The following CHSY3 variants were observed in gnomAD, a reference collection of about 807,000 sequenced individuals.
CHSY3 encodes chondroitin sulfate synthase 3.
In CHSY3, 35 loss-of-function variants were observed where a neutral mutation model predicts 67.2. That is an observed-to-expected ratio of 0.52 (90% confidence interval 0.40 to 0.69). CHSY3 has a LOEUF of 0.69. Among genes scored for constraint, CHSY3 ranks in the 30% least tolerant of loss-of-function variants. The pLI is 0.00. For missense variants in CHSY3, 1,069 were observed against 1,138.5 expected, an observed-to-expected ratio of 0.94 and a Z score of 0.88; for synonymous variants, 474 against 434.7, an observed-to-expected ratio of 1.09 and a Z score of -1.12.
intron 2 of CHSY3, among the ~76,000 whole-genome samples, chr5:130,041,922 T>C (rs1765015849): frequency 6.6e-6 from 1 of 152,094 alleles, no homozygotes; most frequent in South Asian, 2.1e-4. Context: ...AAAAGCTTTC[T>C]ACATAATTTT....
chr5:129,923,896 G>T (rs1395813308), intron 2 of CHSY3, among the ~76,000 whole-genome samples: 1 of 151,948 alleles, frequency 6.6e-6, no homozygotes, highest in Non-Finnish European at 1.5e-5. Flanking sequence ...GGCAGGCAGG[G>T]GTACAAATCC....
chr5:130,121,412 A>C (rs1768019157), intron 2 of CHSY3, among the ~76,000 whole-genome samples: 1 of 152,164 alleles, frequency 6.6e-6, no homozygotes, highest in Non-Finnish European at 1.5e-5. Flanking sequence ...TAAAATGTTG[A>C]AGAGTTGTGA....
chr5:130,043,660 G>T (rs1580677936), intron 2 of CHSY3, among the ~76,000 whole-genome samples: 1 of 152,216 alleles, frequency 6.6e-6, no homozygotes, highest in East Asian at 1.9e-4. Flanking sequence ...TTCTAGTATG[G>T]AACTAAGTCA....
At chr5:130,056,924 T>C (rs1190651855) in intron 2 of CHSY3, among the ~76,000 whole-genome samples, 27 of 132,440 alleles carry the variant, frequency 2.0e-4, no homozygotes, top group African/African-American at 5.5e-4. Flanking sequence ...CTTTCTTTTT[T>C]TTTTTTTTTT....
intron 2 of CHSY3, among the ~76,000 whole-genome samples, chr5:130,160,266 A>G (rs1769491645): frequency 1.3e-5 from 2 of 152,202 alleles, no homozygotes; most frequent in African/African-American, 4.8e-5. Flanking sequence ...GACTCCCAAT[A>G]CTTGCCTTAC....
chr5:130,102,607 A>G (rs1451169435), intron 2 of CHSY3, among the ~76,000 whole-genome samples: 1 of 152,052 alleles, frequency 6.6e-6, no homozygotes, highest in Non-Finnish European at 1.5e-5. Context: ...TAGTCACATT[A>G]CCTCTATGTA....
At position 130,050,844 on chromosome 5, in the gene CHSY3, A is replaced by G. The variant is rs184516160; in HGVS notation, c.1087-133385A>G. On this transcript the variant is annotated intron_variant, in intron 2 of 2. Coordinates refer to ENST00000305031, the MANE Select transcript of CHSY3 (RefSeq NM_175856.5). ...CAGAATTGTTACCACATTCAGCTAC[A>G]CATGAAACACGTTTATTTGTCTTTT... is the stretch of plus-strand genomic sequence containing the variant. Among the ~76,000 whole-genome samples the G allele has an allele frequency of 3.2e-3, 488 of 152,244 alleles. 5 individuals are homozygous for G. The highest frequency in any genetic ancestry group is 0.01 in the African/African-American group (431 of 41,564).
intron 2 of CHSY3, among the ~76,000 whole-genome samples, chr5:129,954,596 G>A (rs1762116473): frequency 6.6e-6 from 1 of 151,866 alleles, no homozygotes; most frequent in South Asian, 2.1e-4. Context: ...TCACAATATT[G>A]ATTCTTCCTA....
intron 2 of CHSY3, among the ~76,000 whole-genome samples, chr5:129,935,009 T>C (rs1262390557): frequency 6.6e-6 from 1 of 152,182 alleles, no homozygotes; most frequent in African/African-American, 2.4e-5. Context: ...GACAAACTAC[T>C]TAAAAGAGCT....
chr5:129,908,085 TTAG>T lies in CHSY3; in HGVS notation c.812_814del (p.Leu271_Glu272delinsTer). On this transcript the variant is annotated stop_gained and inframe_deletion, in exon 2 of 3. Coordinates refer to ENST00000305031, the MANE Select transcript of CHSY3 (RefSeq NM_175856.5). LOFTEE classifies it high-confidence loss of function. ...TGCCTTTCTTTTTGTAGGTGATAAA[TTAG>T]AAGAGTTTCTTAGATCGCTAAACAG... 6.2e-7 allele frequency: 1 copy of T among 1,611,118 alleles called. No homozygotes were observed. Among genetic ancestry groups the T allele is most frequent in the Non-Finnish European group, 8.5e-7 (1 of 1,178,816 alleles).
rs1340390010 is a variant in CHSY3, at chr5:129,905,332, G to T, written c.503G>T (p.Arg168Leu). ...GDGGAAAPSA[R>L]PRDFLYVGVM... ...GGGGGCGCTGCCGCCCCGAGCGCCC[G>T]ACCCCGGGACTTCCTGTACGTGGGG... is the stretch of plus-strand genomic sequence containing the variant. Residue 168 changes from arginine (R) to leucine (L), a missense_variant, in exon 1 of 3, where the codon CGA becomes CTA. Arg to Leu is a moderately radical substitution (Grantham distance 102). Transcript: ENST00000305031. 1 of 1,537,070 alleles carries T rather than the reference G, an allele frequency of 6.5e-7. No individual in the cohort carries two copies. Among genetic ancestry groups the T allele is most frequent in the Admixed American group, 2.0e-5 (1 of 50,124 alleles).
intron 2 of CHSY3, among the ~76,000 whole-genome samples, chr5:130,151,198 C>G (rs1769223098): frequency 6.6e-6 from 1 of 152,132 alleles, no homozygotes; most frequent in Non-Finnish European, 1.5e-5. Context: ...GTACTGCAGC[C>G]CCTTACAGGT....
chr5:130,157,338 A>G (rs551534837), intron 2 of CHSY3, among the ~76,000 whole-genome samples: 14 of 152,220 alleles, frequency 9.2e-5, no homozygotes, highest in Non-Finnish European at 1.5e-4. Context: ...TTATACCTTA[A>G]TAGGACTGCA....
At chr5:130,032,750 C>T (rs191266111) in intron 2 of CHSY3, among the ~76,000 whole-genome samples, 1 of 152,250 alleles carries the variant, frequency 6.6e-6, no homozygotes, top group Admixed American at 6.5e-5. Context: ...TTGGGATAAA[C>T]CTACACTCCT....
chr5:130,125,406 G>C (rs577091257), intron 2 of CHSY3, among the ~76,000 whole-genome samples: 1 of 146,448 alleles, frequency 6.8e-6, no homozygotes, highest in South Asian at 2.2e-4. Flanking sequence ...AACAGAGTGA[G>C]ATCCTGTCTC....
intron 2 of CHSY3, among the ~76,000 whole-genome samples, chr5:129,947,536 T>C (rs1761894288): frequency 1.3e-5 from 2 of 151,244 alleles, no homozygotes; most frequent in South Asian, 2.1e-4. Flanking sequence ...GACATAAGAA[T>C]CACTTGAACC....
At chr5:129,988,758 G>C (rs1402878832) in intron 2 of CHSY3, among the ~76,000 whole-genome samples, 6 of 152,140 alleles carry the variant, frequency 3.9e-5, no homozygotes, top group Non-Finnish European at 7.3e-5. Context: ...TTTTAAGAGA[G>C]AACTCTCTGG....
intron 2 of CHSY3, among the ~76,000 whole-genome samples, chr5:130,007,975 C>G (rs554900125): frequency 6.6e-6 from 1 of 152,278 alleles, no homozygotes; most frequent in East Asian, 1.9e-4. Flanking sequence ...CTTGGCTAAC[C>G]ATCAGAGATA....
chr5:129,992,476 C>A (rs1292213444), intron 2 of CHSY3, among the ~76,000 whole-genome samples: 4 of 152,064 alleles, frequency 2.6e-5, no homozygotes, highest in Non-Finnish European at 5.9e-5. Context: ...CTACAAATAC[C>A]AGATAAGACA....
Sources: allele counts gnomAD v4.1 joint callset (sites outside exome capture counted in the v4.1 genomes callset), GRCh38; gene constraint gnomAD v4.1.1; transcripts MANE v1.5; gene names NCBI Gene and HGNC (gene_info 2026-07-23, HGNC 2026-07-21).